The following SAMMSON variants were observed in gnomAD, a reference collection of about 807,000 sequenced individuals.
SAMMSON encodes long intergenic non-protein coding RNA 1212.
chr3:70,135,706 T>C (rs2067503096), intron 4 of SAMMSON, among the ~76,000 whole-genome samples: 1 of 152,184 alleles, frequency 6.6e-6, no homozygotes, highest in African/African-American at 2.4e-5. Context: ...TACATAAAAT[T>C]CCTTTTCCAA....
chr3:70,264,150 A>G (rs1316656036), intron 6 of SAMMSON, among the ~76,000 whole-genome samples: 2 of 152,352 alleles, frequency 1.3e-5, no homozygotes, highest in Admixed American at 1.3e-4. Context: ...AAAATGTAGC[A>G]TATGTTTTGC....
At chr3:70,228,781 A>C (rs1241137464) in intron 4 of SAMMSON, among the ~76,000 whole-genome samples, 2 of 150,700 alleles carry the variant, frequency 1.3e-5, no homozygotes, top group Non-Finnish European at 1.5e-5. Flanking sequence ...TTTCATTTGC[A>C]TTCTCCTTTT....
intron 4 of SAMMSON, among the ~76,000 whole-genome samples, chr3:70,148,199 A>G (rs894537720): frequency 3.3e-5 from 5 of 152,146 alleles, no homozygotes; most frequent in African/African-American, 1.2e-4. Context: ...GCCAAATTAC[A>G]TAGCCATTCT....
intron 3 of SAMMSON, among the ~76,000 whole-genome samples, chr3:70,017,270 T>C (rs540163090): frequency 6.6e-6 from 1 of 152,236 alleles, no homozygotes; most frequent in South Asian, 2.1e-4. Context: ...CATTGAGCAG[T>C]GGTTTGTAGT....
At chr3:70,397,861 CTATCCTT>C (rs1458095616) in intron 2 of SAMMSON, among the ~76,000 whole-genome samples, 1 of 152,126 alleles carries the variant, frequency 6.6e-6, no homozygotes, top group Non-Finnish European at 1.5e-5. Flanking sequence ...AACTATAACA[CTATCCTT>C]TATTTGTACA....
chr3:70,286,758 T>C lies in SAMMSON; in HGVS notation n.675-4421T>C, dbSNP rs563583572. On this transcript the variant is annotated intron_variant and non_coding_transcript_variant, in intron 6 of 9. Coordinates refer to ENST00000642114, the Ensembl canonical transcript of SAMMSON. ...CTTGAGCAGTGGTTTGTAGTTCTCC[T>C]TGAAGAGGTCCTTCACATCCCTTAT... Among the ~76,000 whole-genome samples, 38 of 152,312 alleles carry C rather than the reference T, an allele frequency of 2.5e-4. No individual in the cohort carries two copies. In the South Asian group the frequency reaches 7.9e-3, roughly 32 times the overall value.
At chr3:70,003,618 T>C (rs757122483) in intron 1 of SAMMSON, among the ~76,000 whole-genome samples, 1 of 151,890 alleles carries the variant, frequency 6.6e-6, no homozygotes, top group Non-Finnish European at 1.5e-5. Context: ...TAATATGACA[T>C]TGTGTATTTT....
chr3:70,419,277 C>T (rs1256127351), intron 2 of SAMMSON, among the ~76,000 whole-genome samples: 1 of 152,020 alleles, frequency 6.6e-6, no homozygotes, highest in Non-Finnish European at 1.5e-5. Flanking sequence ...AGGCGATCCA[C>T]CCGCCTCAGC....
chr3:70,242,479 T>G (rs1220173709), intron 4 of SAMMSON, among the ~76,000 whole-genome samples: 1 of 152,190 alleles, frequency 6.6e-6, no homozygotes, highest in African/African-American at 2.4e-5. Context: ...GGGCAGTTAC[T>G]TGGACAAGCA....
chr3:70,243,941 T>C (rs941544870), intron 4 of SAMMSON, among the ~76,000 whole-genome samples: 1 of 152,030 alleles, frequency 6.6e-6, no homozygotes. Context: ...GAGGTAAGGG[T>C]CACCTTTTAA....
chr3:70,124,814 C>CAAAAAAAAA (rs1208323683), intron 4 of SAMMSON, among the ~76,000 whole-genome samples: 42 of 53,654 alleles, frequency 7.8e-4, no homozygotes, highest in East Asian at 9.5e-4. Flanking sequence ...GACTCCATCT[C>CAAAAAAAAA]AAAAAAAAAA....
At chr3:70,357,476 A>C (rs1037445808) in intron 8 of SAMMSON, among the ~76,000 whole-genome samples, 6 of 152,154 alleles carry the variant, frequency 3.9e-5, no homozygotes, top group South Asian at 2.1e-4. Context: ...TTTTTAAATA[A>C]AATTTTTTAT....
At chr3:70,087,303 T>C (rs2067289123) in intron 4 of SAMMSON, among the ~76,000 whole-genome samples, 2 of 152,378 alleles carry the variant, frequency 1.3e-5, no homozygotes, top group East Asian at 3.9e-4. Flanking sequence ...CATTAGCTTA[T>C]TTAATTTGAT....
chr3:70,373,540 T>C (rs1266310609), intron 9 of SAMMSON, among the ~76,000 whole-genome samples: 2 of 152,166 alleles, frequency 1.3e-5, no homozygotes, highest in African/African-American at 4.8e-5. Flanking sequence ...GAATCATTAT[T>C]TCTTTGGATA....
chr3:70,151,501 T>C (rs2067571797), intron 4 of SAMMSON, among the ~76,000 whole-genome samples: 1 of 152,072 alleles, frequency 6.6e-6, no homozygotes, highest in African/African-American at 2.4e-5. Context: ...TATAAGGCTA[T>C]GTTTTCCTCC....
At chr3:70,263,792 T>C (rs1701889933) in intron 6 of SAMMSON, among the ~76,000 whole-genome samples, 1 of 152,182 alleles carries the variant, frequency 6.6e-6, no homozygotes, top group African/African-American at 2.4e-5. Context: ...TGGCTCCATC[T>C]GGGTTCCCGT....
At chr3:70,115,437 A>G (rs1195571235) in intron 4 of SAMMSON, among the ~76,000 whole-genome samples, 1 of 152,144 alleles carries the variant, frequency 6.6e-6, no homozygotes, top group Non-Finnish European at 1.5e-5. Flanking sequence ...GAGTATTTTC[A>G]CGGAAAAGAT....
intron 6 of SAMMSON, among the ~76,000 whole-genome samples, chr3:70,275,005 C>T (rs548502759): frequency 1.3e-5 from 2 of 151,994 alleles, no homozygotes; most frequent in African/African-American, 4.8e-5. Context: ...ATTCTCAGAA[C>T]CTTGTTTCTC....
Position 70,132,782 on chromosome 3 carries a change from A to G in SAMMSON, n.507+61217A>G, listed in dbSNP as rs570959384. 3.5e-3 allele frequency among the ~76,000 whole-genome samples: 390 copies of G among 110,696 alleles called. 7 individuals carry two copies. Among genetic ancestry groups the G allele is most frequent in the African/African-American group, 0.012 (363 of 29,888 alleles). The allele number at this position is 110,696 out of a possible 152,430, so 72.6% of individuals were successfully genotyped here. A position where few individuals can be genotyped will look rare whatever the true frequency, so the allele number is the denominator to read the frequency against. Reference sequence around the variant, plus strand: ...CACGATGAGACCCTAAAAAAAAAAAAAAGAAAAGAAAAAAAAAACAATTTA... The same window carrying G: ...CACGATGAGACCCTAAAAAAAAAAAGAAGAAAAGAAAAAAAAAACAATTTA... On this transcript the variant is annotated intron_variant and non_coding_transcript_variant, in intron 4 of 9. Coordinates refer to ENST00000642114, the Ensembl canonical transcript of SAMMSON.
Sources: allele counts gnomAD v4.1 joint callset (sites outside exome capture counted in the v4.1 genomes callset), GRCh38; gene constraint gnomAD v4.1.1; transcripts MANE v1.5; gene names NCBI Gene and HGNC (gene_info 2026-07-23, HGNC 2026-07-21).